The following PCNX1 variants were observed in gnomAD, a reference collection of about 807,000 sequenced individuals.
The protein encoded by PCNX1 is pecanex 1.
PCNX1 carries 78 observed loss-of-function variants against 242.2 expected under a neutral mutation model. The ratio of observed to expected loss-of-function variants is 0.32; its 90% confidence interval spans 0.27 to 0.39. PCNX1 has a LOEUF of 0.39. PCNX1 is among the 10% of genes least tolerant of loss of function. The probability of loss-of-function intolerance (pLI) is 1.00; values close to 1 mark genes in which losing one functional copy is unlikely to be tolerated. For missense variants in PCNX1, 2,581 were observed against 2,856.5 expected (o/e 0.90, Z 2.20); for synonymous variants, 1,024 against 1,032.9 (o/e 0.99, Z 0.17).
rs774497625 is a variant in PCNX1 at position 70,946,895 on chromosome 14, T to C, written c.154-20T>C. ...ATAAAATATTTTAAAATGTATTTCC[T>C]TATTTTCTTTCTCTTAAAGGCCCTT... On this transcript the variant is annotated intron_variant, in intron 1 of 35. Coordinates refer to ENST00000304743, the MANE Select transcript of PCNX1 (RefSeq NM_014982.3). 6.8e-7 allele frequency: 1 copy of C among 1,468,846 alleles called. No homozygotes were observed. The highest frequency in any genetic ancestry group is 1.7e-5 in the Admixed American group (1 of 58,976). 91.0% of individuals were successfully genotyped at this position (1,468,846 alleles called of 1,614,324 possible). A position where few individuals can be genotyped will look rare whatever the true frequency, so the allele number is the denominator to read the frequency against.
Position 71,110,234 on chromosome 14 carries a change from C to G in PCNX1, c.*299C>G. The G allele has an allele frequency of 2.6e-6, 1 of 386,168 alleles. No individual in the cohort carries two copies. 23.9% of individuals were successfully genotyped at this position (386,168 alleles called of 1,614,324 possible). A position where few individuals can be genotyped will look rare whatever the true frequency, so the allele number is the denominator to read the frequency against. On this transcript the variant is annotated 3_prime_UTR_variant, in exon 36 of 36. Coordinates refer to ENST00000304743, the MANE Select transcript of PCNX1 (RefSeq NM_014982.3). ...AAAAAAAGTTTTTCCTATGCATTGCCTATGCTTTAAATCAACAAACTCTTC... is the reference window on the plus strand; with the variant it reads ...AAAAAAAGTTTTTCCTATGCATTGCGTATGCTTTAAATCAACAAACTCTTC...
rs1193480834 is a variant in PCNX1 at position 71,113,761 on chromosome 14, C to CTACTT, written c.*3827_*3831dup. On this transcript the variant is annotated 3_prime_UTR_variant, in exon 36 of 36. Transcript: ENST00000304743. ...AATTCTTTGAATTTATATTTACTAG[C>CTACTT]TACTTAACCATAAACTGCTGTCCAG... 1.3e-5 allele frequency: 2 copies of CTACTT among 152,176 alleles called. No homozygotes were observed. Among genetic ancestry groups the CTACTT allele is most frequent in the African/African-American group, 2.4e-5 (1 of 41,446 alleles). 9.4% of individuals were successfully genotyped at this position (152,176 alleles called of 1,614,324 possible). A position where few individuals can be genotyped will look rare whatever the true frequency, so the allele number is the denominator to read the frequency against.
chr14:71,016,883 G>T (rs1045459948), intron 11 of PCNX1, among the ~76,000 whole-genome samples: 1 of 152,026 alleles, frequency 6.6e-6, no homozygotes, highest in African/African-American at 2.4e-5. Flanking sequence ...ATTCAATGAG[G>T]AAACAGAGAA....
chr14:71,036,618 CTT>C (rs1356165297), intron 19 of PCNX1, among the ~76,000 whole-genome samples: 1 of 152,172 alleles, frequency 6.6e-6, no homozygotes, highest in Non-Finnish European at 1.5e-5. Flanking sequence ...GCTATACTAT[CTT>C]GTCTATCTAT....
At chr14:71,088,816 G>A (rs1218229077) in intron 29 of PCNX1, among the ~76,000 whole-genome samples, 1 of 152,024 alleles carries the variant, frequency 6.6e-6, no homozygotes, top group Non-Finnish European at 1.5e-5. Context: ...ATTAGATTCG[G>A]GGATTCTAAA....
chr14:71,070,450 T>G (rs138609179), intron 26 of PCNX1, among the ~76,000 whole-genome samples: 5 of 152,346 alleles, frequency 3.3e-5, no homozygotes, highest in Admixed American at 2.6e-4. Flanking sequence ...CTTACAAAAT[T>G]TATTTCTTAA....
In PCNX1 at chr14:70,978,577, C is replaced by G; in HGVS notation, c.2240C>G (p.Thr747Ser). The G allele has an allele frequency of 6.2e-7, 1 of 1,614,076 alleles. No homozygotes were observed. The highest frequency in any genetic ancestry group is 8.5e-7 in the Non-Finnish European group (1 of 1,179,958). The stretch of plus-strand genomic sequence containing the variant: ...CGGGCTTCCCAGTTAGAGACAGTCA[C>G]TCGATCTAGGAATAGCTTGCCAAAC... ...LGRASQLETV[T>S]RSRNSLPNQV... Residue 747 changes from threonine to serine, a missense_variant, in exon 6 of 36, where the codon ACT (threonine) becomes AGT (serine). Physicochemically the swap from Thr to Ser is moderately conservative, Grantham distance 58. Coordinates refer to ENST00000304743, the MANE Select transcript of PCNX1 (RefSeq NM_014982.3).
chr14:70,984,467 AGCTCCACC>A (rs1169450255), intron 6 of PCNX1, among the ~76,000 whole-genome samples: 6 of 151,088 alleles, frequency 4.0e-5, no homozygotes, highest in Non-Finnish European at 7.4e-5. Flanking sequence ...GCTCACTGCA[AGCTCCACC>A]TTCTGAGTTC....
At chr14:71,075,954 T>G (rs1226991866) in intron 27 of PCNX1, among the ~76,000 whole-genome samples, 1 of 152,054 alleles carries the variant, frequency 6.6e-6, no homozygotes, top group Non-Finnish European at 1.5e-5. Flanking sequence ...TTTATGGTTG[T>G]GATTTTAAAG....
chr14:71,048,349 G>T (rs2060924284), intron 22 of PCNX1, among the ~76,000 whole-genome samples: 1 of 152,206 alleles, frequency 6.6e-6, no homozygotes, highest in Non-Finnish European at 1.5e-5. Context: ...GGTAGAGGCT[G>T]AGGAGACTGA....
At position 70,988,619 on chromosome 14, in the gene PCNX1, T is replaced by C; in HGVS notation, c.2364T>C (p.Phe788=). Residue 788 remains phenylalanine (F), a synonymous_variant, in exon 7 of 36, where the codon TTT becomes TTC. Coordinates refer to ENST00000304743, the MANE Select transcript of PCNX1 (RefSeq NM_014982.3). ...AVSFRRERST[F]RRQAVRRRHN... is the part of the protein sequence containing the mutation. Reference sequence around the variant, plus strand: ...CATTTCGCCGTGAACGCAGCACATTTAGGCGCCAGGCAGTACGGCGCCGGC... The same window carrying C: ...CATTTCGCCGTGAACGCAGCACATTCAGGCGCCAGGCAGTACGGCGCCGGC... The C allele has an allele frequency of 6.2e-7, 1 of 1,614,124 alleles. No homozygotes were observed. Among genetic ancestry groups the C allele is most frequent in the African/African-American group, 1.3e-5 (1 of 75,048 alleles).
chr14:70,926,214 C>T (rs532562294), intron 1 of PCNX1, among the ~76,000 whole-genome samples: 1 of 152,170 alleles, frequency 6.6e-6, no homozygotes, highest in Non-Finnish European at 1.5e-5. Context: ...CAGGGTTAGC[C>T]TTGTTCTGTG....
intron 8 of PCNX1, among the ~76,000 whole-genome samples, chr14:71,005,659 A>G (rs950683556): frequency 1.3e-5 from 2 of 152,168 alleles, no homozygotes; most frequent in East Asian, 1.9e-4. Context: ...CATGTCTTTT[A>G]TCAGTGTCTT....
chr14:70,946,783 T>G (rs2057473288), intron 1 of PCNX1, 132 bp from the exon 2 acceptor site: 1 of 673,440 alleles, frequency 1.5e-6, no homozygotes, highest in Non-Finnish European at 2.5e-6. Context: ...TGCTAAGTTT[T>G]GCAGCTTAGC....
chr14:70,909,774 C>G (rs956795870), intron 1 of PCNX1, among the ~76,000 whole-genome samples: 2 of 152,244 alleles, frequency 1.3e-5, no homozygotes, highest in East Asian at 1.9e-4. Context: ...GTACTAGACA[C>G]TTTCTGAGAT....
intron 2 of PCNX1, among the ~76,000 whole-genome samples, chr14:70,952,021 G>C (rs1566613353): frequency 6.6e-6 from 1 of 152,154 alleles, no homozygotes; most frequent in Non-Finnish European, 1.5e-5. Context: ...GTCAGTCAAG[G>C]CTTCTTAATT....
In PCNX1 at chr14:71,014,041, A is replaced by G. The variant is rs775372727; in HGVS notation, c.2996+839A>G. Reference sequence around the variant, plus strand: ...GAGGAAACTATTTGAGGCCAGGGAAAGAACCATGTGAAAAGGAACAGAGGA... The same window carrying G: ...GAGGAAACTATTTGAGGCCAGGGAAGGAACCATGTGAAAAGGAACAGAGGA... On this transcript the variant is annotated intron_variant, in intron 11 of 35. Coordinates refer to ENST00000304743, the MANE Select transcript of PCNX1 (RefSeq NM_014982.3). Among the ~76,000 whole-genome samples, 88 of 152,242 alleles carry G rather than the reference A, an allele frequency of 5.8e-4. 1 individual carries two copies. The highest frequency in any genetic ancestry group is 2.0e-4 in the Admixed American group (3 of 15,282).
intron 19 of PCNX1, among the ~76,000 whole-genome samples, chr14:71,040,247 G>A (rs1390102658): frequency 6.6e-6 from 1 of 152,120 alleles, no homozygotes; most frequent in Non-Finnish European, 1.5e-5. Context: ...ACTTCATTGG[G>A]TATAAAATTC....
chr14:70,923,360 G>A (rs905122295), intron 1 of PCNX1, among the ~76,000 whole-genome samples: 1 of 152,044 alleles, frequency 6.6e-6, no homozygotes, highest in African/African-American at 2.4e-5. Context: ...TTAAGGGCTT[G>A]TAAGAAAAAA....
Sources: gnomAD v4.1 joint callset for allele counts (sites outside exome capture counted in the v4.1 genomes callset) on GRCh38, gnomAD v4.1.1 for gene constraint, MANE v1.5 for transcripts, NCBI Gene and HGNC (gene_info 2026-07-23, HGNC 2026-07-21) for gene names.